The following CYP2C19 variants were observed in gnomAD, a reference collection of about 807,000 sequenced individuals.
CYP2C19 encodes the protein cytochrome P450 2C19.
Under a neutral mutation model 40.9 loss-of-function variants are expected in CYP2C19, and 59 were observed. That is an observed-to-expected ratio of 1.44 (90% confidence interval 1.17 to 1.79). The LOEUF (loss-of-function observed/expected upper bound fraction) is 1.79, where lower values mean the gene tolerates loss of function less well. Ranked by LOEUF, CYP2C19 falls within the 40% of genes most tolerant of loss-of-function variation. The pLI is 0.00. For synonymous variants in CYP2C19, 253 were observed against 208.7 expected (o/e 1.21, Z -1.83); for missense variants, 754 against 596.9 (o/e 1.26, Z -2.74).
At chr10:94,791,961 G>A (rs1848610750) in intron 5 of CYP2C19, among the ~76,000 whole-genome samples, 1 of 152,006 alleles carries the variant, frequency 6.6e-6, no homozygotes, top group African/African-American at 2.4e-5. Flanking sequence ...TTGACAGTGG[G>A]GTGTTAAAGC....
At chr10:94,811,199 GTTTC>G (rs1452949637) in intron 5 of CYP2C19, among the ~76,000 whole-genome samples, 1 of 152,166 alleles carries the variant, frequency 6.6e-6, no homozygotes, top group Non-Finnish European at 1.5e-5. Flanking sequence ...TTTTGAGTGA[GTTTC>G]TTAATCCCGA....
intron 7 of CYP2C19, among the ~76,000 whole-genome samples, chr10:94,847,669 G>C (rs188972006): frequency 6.6e-6 from 1 of 152,136 alleles, no homozygotes; most frequent in Non-Finnish European, 1.5e-5. Flanking sequence ...TTCCACAATG[G>C]TTGAACTAGT....
chr10:94,828,012 C>T (rs1389145469), intron 6 of CYP2C19, among the ~76,000 whole-genome samples: 1 of 151,938 alleles, frequency 6.6e-6, no homozygotes, highest in Non-Finnish European at 1.5e-5. Flanking sequence ...AGTTTGATTG[C>T]ACTGTGGTCT....
intron 5 of CYP2C19, among the ~76,000 whole-genome samples, chr10:94,783,655 C>T (rs963984363): frequency 6.6e-6 from 1 of 152,064 alleles, no homozygotes; most frequent in African/African-American, 2.4e-5. Flanking sequence ...ATCTATGTGT[C>T]TGTCCTAATG....
At chr10:94,772,681 G>A (rs1006852380) in intron 1 of CYP2C19, among the ~76,000 whole-genome samples, 4 of 152,156 alleles carry the variant, frequency 2.6e-5, no homozygotes, top group African/African-American at 9.7e-5. Context: ...CTGGTTCCAG[G>A]CAAACCAACG....
At chr10:94,798,939 G>C (rs1471077159) in intron 5 of CYP2C19, among the ~76,000 whole-genome samples, 6 of 150,944 alleles carry the variant, frequency 4.0e-5, no homozygotes, top group African/African-American at 1.5e-4. Flanking sequence ...ACACTGATGG[G>C]TCTTGACTTT....
chr10:94,811,727 T>C (rs1007700211), intron 5 of CYP2C19, among the ~76,000 whole-genome samples: 1 of 152,104 alleles, frequency 6.6e-6, no homozygotes, highest in African/African-American at 2.4e-5. Context: ...TTCCATTTGC[T>C]TGGTAAATAT....
At chr10:94,777,328 G>C (rs536732675) in intron 3 of CYP2C19, among the ~76,000 whole-genome samples, 6 of 152,190 alleles carry the variant, frequency 3.9e-5, no homozygotes, top group Non-Finnish European at 8.8e-5. Context: ...AACCAAAAAA[G>C]AGCTTGTAAA....
intron 6 of CYP2C19, among the ~76,000 whole-genome samples, chr10:94,832,342 A>C (rs953121493): frequency 6.6e-6 from 1 of 152,240 alleles, no homozygotes; most frequent in African/African-American, 2.4e-5. Flanking sequence ...CACATCTTAC[A>C]TGGTGGCAGA....
At position 94,762,731 on chromosome 10, in the gene CYP2C19, T is replaced by C. The variant is rs1223517617; in HGVS notation, c.26T>C (p.Leu9Pro). The C allele has an allele frequency of 2.5e-6, 4 of 1,613,576 alleles. No individual in the cohort carries two copies. The highest frequency in any genetic ancestry group is 3.4e-6 in the Non-Finnish European group (4 of 1,179,830). The part of the protein sequence containing the change: MDPFVVLV[L>P]CLSCLLLLSI... ...ATGGATCCTTTTGTGGTCCTTGTGC[T>C]CTGTCTCTCATGTTTGCTTCTCCTT... The change falls in exon 1 of 9, where the codon CTC (leucine) becomes CCC (proline). Residue 9 changes from leucine to proline, a missense_variant. Coordinates refer to ENST00000371321, the MANE Select transcript of CYP2C19 (RefSeq NM_000769.4).
At chr10:94,821,186 G>A (rs992216270) in intron 6 of CYP2C19, among the ~76,000 whole-genome samples, 3 of 152,188 alleles carry the variant, frequency 2.0e-5, no homozygotes, top group African/African-American at 7.2e-5. Flanking sequence ...AGTTTCAAAA[G>A]CAATAGAGCT....
intron 1 of CYP2C19, among the ~76,000 whole-genome samples, chr10:94,771,236 C>A (rs1848326329): frequency 1.3e-5 from 2 of 151,894 alleles, no homozygotes; most frequent in South Asian, 4.2e-4. Context: ...TTTTGTGGTC[C>A]TTTGGAGATT....
intron 6 of CYP2C19, among the ~76,000 whole-genome samples, chr10:94,836,530 T>C (rs937212227): frequency 6.6e-6 from 1 of 152,248 alleles, no homozygotes; most frequent in Non-Finnish European, 1.5e-5. Context: ...GGATATTGAC[T>C]TTCTGAGTTT....
chr10:94,800,569 G>C (rs554829699), intron 5 of CYP2C19, among the ~76,000 whole-genome samples: 1 of 152,210 alleles, frequency 6.6e-6, no homozygotes, highest in African/African-American at 2.4e-5. Flanking sequence ...CTGTCAGATA[G>C]GGATGTTTAA....
rs571718163 is a variant in CYP2C19, at chr10:94,778,844, C to A, written c.482-1655C>A. Among the ~76,000 whole-genome samples the A allele has an allele frequency of 6.6e-4, 100 of 152,190 alleles. 1 individual carries two copies. The highest frequency in any genetic ancestry group is 3.9e-3 in the Admixed American group (59 of 15,280). ...TTTATTGCAGCACTATTTACAATAG[C>A]AAAGACTTGGAACCAACCCAAATGC... On this transcript the variant is annotated intron_variant, in intron 3 of 8. Coordinates refer to ENST00000371321, the MANE Select transcript of CYP2C19 (RefSeq NM_000769.4).
intron 1 of CYP2C19, among the ~76,000 whole-genome samples, chr10:94,770,072 A>G (rs1204383886): frequency 1.3e-5 from 2 of 152,182 alleles, no homozygotes; most frequent in East Asian, 3.8e-4. Flanking sequence ...GTCATCCAGG[A>G]CAGGAGATTA....
At chr10:94,789,630 G>A (rs1441458328) in intron 5 of CYP2C19, among the ~76,000 whole-genome samples, 3 of 151,876 alleles carry the variant, frequency 2.0e-5, no homozygotes, top group Non-Finnish European at 4.4e-5. Context: ...TTTTTGTCAG[G>A]TTTGTCAAAG....
chr10:94,780,592 A>C lies in CYP2C19; in HGVS notation c.575A>C (p.Gln192Pro). The C allele has an allele frequency of 6.2e-7, 1 of 1,613,934 alleles. No homozygotes were observed. Among genetic ancestry groups the C allele is most frequent in the Non-Finnish European group, 8.5e-7 (1 of 1,179,928 alleles). Residue 192 changes from glutamine (Q) to proline (P), a missense_variant, in exon 4 of 9, where the codon CAG (glutamine) becomes CCG (proline). Physicochemically the swap from Gln to Pro is moderately conservative, Grantham distance 76. Transcript: ENST00000371321. Reference sequence around the variant, plus strand: ...CAGAAACGTTTCGATTATAAAGATCAGCAATTTCTTAACTTGATGGAAAAA... The same window carrying C: ...CAGAAACGTTTCGATTATAAAGATCCGCAATTTCTTAACTTGATGGAAAAA... Reference protein sequence around the residue: ...IFQKRFDYKDQQFLNLMEKLN... With the variant: ...IFQKRFDYKDPQFLNLMEKLN...
chr10:94,767,458 A>T (rs972302898), intron 1 of CYP2C19, among the ~76,000 whole-genome samples: 4 of 152,166 alleles, frequency 2.6e-5, no homozygotes, highest in Non-Finnish European at 4.4e-5. Flanking sequence ...GAAAGCTTCT[A>T]TCCAATTTGT....
Sources: gnomAD v4.1 joint callset for allele counts (sites outside exome capture counted in the v4.1 genomes callset) on GRCh38, gnomAD v4.1.1 for gene constraint, MANE v1.5 for transcripts, NCBI Gene and HGNC (gene_info 2026-07-23, HGNC 2026-07-21) for gene names.